Variants in SGCZ observed in about 807,000 individuals in gnomAD.
SGCZ encodes the protein zeta-sarcoglycan.
Under a neutral mutation model 41.3 loss-of-function variants are expected in SGCZ, and 40 were observed. The observed-to-expected ratio is 0.97, with a 90% CI of 0.75 to 1.26. The LOEUF (loss-of-function observed/expected upper bound fraction) is 1.26. Ranked by LOEUF, SGCZ falls within the 50% of genes most tolerant of loss-of-function variation. The pLI is 0.00. For synonymous variants in SGCZ, 206 were observed against 137.5 expected (o/e 1.50, Z -3.49); for missense variants, 552 against 369.8 (o/e 1.49, Z -4.04).
chr8:14,669,766 A>G (rs561845136), intron 1 of SGCZ, among the ~76,000 whole-genome samples: 1 of 152,112 alleles, frequency 6.6e-6, no homozygotes, highest in African/African-American at 2.4e-5. Context: ...GACTTTTAGT[A>G]TGTTTCCATA....
At chr8:14,659,326 C>A (rs900107717) in intron 1 of SGCZ, among the ~76,000 whole-genome samples, 2 of 152,076 alleles carry the variant, frequency 1.3e-5, no homozygotes, top group African/African-American at 4.8e-5. Flanking sequence ...TGAATATACG[C>A]ATTGCAACAT....
chr8:15,151,682 T>G (rs1337369121), intron 1 of SGCZ, among the ~76,000 whole-genome samples: 2 of 152,230 alleles, frequency 1.3e-5, no homozygotes, highest in African/African-American at 2.4e-5. Flanking sequence ...AAGAGCCAAC[T>G]ATATAATGAC....
chr8:14,126,232 T>C (rs1296125606), intron 5 of SGCZ, among the ~76,000 whole-genome samples: 2 of 152,154 alleles, frequency 1.3e-5, no homozygotes, highest in African/African-American at 4.8e-5. Flanking sequence ...ATCTACCCAT[T>C]TGACAAATGT....
chr8:14,610,105 G>C (rs981516118), intron 1 of SGCZ, among the ~76,000 whole-genome samples: 1 of 152,062 alleles, frequency 6.6e-6, no homozygotes, highest in African/African-American at 2.4e-5. Context: ...AAATCTTTGG[G>C]GAGGCAAATT....
chr8:14,962,674 T>C (rs1464324046), intron 1 of SGCZ, among the ~76,000 whole-genome samples: 2 of 152,190 alleles, frequency 1.3e-5, no homozygotes, highest in African/African-American at 4.8e-5. Flanking sequence ...ATCATTTAAG[T>C]AAATGCTAAA....
intron 1 of SGCZ, among the ~76,000 whole-genome samples, chr8:14,834,900 G>T (rs566016057): frequency 2.0e-4 from 31 of 152,208 alleles, no homozygotes; most frequent in African/African-American, 7.2e-4. Flanking sequence ...AAAAGAAACT[G>T]CTCCCTCTCC....
chr8:14,448,633 A>G (rs933494545), intron 2 of SGCZ, among the ~76,000 whole-genome samples: 8 of 152,244 alleles, frequency 5.3e-5, no homozygotes, highest in African/African-American at 1.9e-4. Flanking sequence ...AAATACAATC[A>G]TAACCAAAGA....
At chr8:14,612,219 A>C (rs1288773248) in intron 1 of SGCZ, among the ~76,000 whole-genome samples, 1 of 152,070 alleles carries the variant, frequency 6.6e-6, no homozygotes, top group Non-Finnish European at 1.5e-5. Context: ...CCATGTGTTG[A>C]GGGAGGGAAC....
At chr8:14,522,611 C>T (rs1802823788) in intron 2 of SGCZ, among the ~76,000 whole-genome samples, 1 of 151,738 alleles carries the variant, frequency 6.6e-6, no homozygotes, top group Non-Finnish European at 1.5e-5. Context: ...TTCGCTCTCT[C>T]ATTTTTTTGG....
At chr8:14,628,691 G>A (rs190748439) in intron 1 of SGCZ, among the ~76,000 whole-genome samples, 138 of 152,112 alleles carry the variant, frequency 9.1e-4, no homozygotes, top group African/African-American at 2.8e-3. Context: ...ATATTTACTC[G>A]TCTAATATCA....
chr8:14,488,352 T>C (rs1470375912), intron 2 of SGCZ, among the ~76,000 whole-genome samples: 2 of 152,218 alleles, frequency 1.3e-5, no homozygotes, highest in Non-Finnish European at 2.9e-5. Context: ...AAGTAAGCTG[T>C]TTTCATCCAT....
intron 2 of SGCZ, among the ~76,000 whole-genome samples, chr8:14,333,731 CCTTTAAATACACCAGGGAAATA>C (rs1802415028): frequency 6.6e-6 from 1 of 151,610 alleles, no homozygotes; most frequent in Non-Finnish European, 1.5e-5. Flanking sequence ...AAATAATACC[CCTTTAAATACACCAGGGAAATA>C]CTTTAAATAC....
At chr8:14,169,922 AAGAC>A (rs1205462682) in intron 4 of SGCZ, among the ~76,000 whole-genome samples, 1 of 152,158 alleles carries the variant, frequency 6.6e-6, no homozygotes, top group Non-Finnish European at 1.5e-5. Context: ...CCAGCATAGA[AAGAC>A]ACTCTTGGAG....
At chr8:14,258,336 T>G (rs1159353296) in intron 3 of SGCZ, among the ~76,000 whole-genome samples, 2 of 152,136 alleles carry the variant, frequency 1.3e-5, no homozygotes, top group Non-Finnish European at 2.9e-5. Flanking sequence ...AATGTATTAG[T>G]CCTCTGCACT....
chr8:14,309,666 G>A, intron 3 of SGCZ: 2 of 1,610,480 alleles, frequency 1.2e-6, no homozygotes, highest in Non-Finnish European at 1.7e-6. Flanking sequence ...AAATAGGTTT[G>A]TTGTTTAAGA....
intron 1 of SGCZ, among the ~76,000 whole-genome samples, chr8:14,583,103 G>T (rs905873160): frequency 6.7e-6 from 1 of 149,936 alleles, no homozygotes; most frequent in Non-Finnish European, 1.5e-5. Flanking sequence ...CACAATGGTT[G>T]AACTAGTTTA....
intron 1 of SGCZ, among the ~76,000 whole-genome samples, chr8:14,719,643 A>G (rs1348760947): frequency 6.6e-6 from 1 of 151,202 alleles, no homozygotes; most frequent in Non-Finnish European, 1.5e-5. Context: ...TTGACTGCAT[A>G]AATGTCTTCT....
intron 4 of SGCZ, among the ~76,000 whole-genome samples, chr8:14,189,592 C>A (rs1381935407): frequency 1.3e-5 from 2 of 152,198 alleles, no homozygotes; most frequent in African/African-American, 4.8e-5. Context: ...TTTAGCTTTT[C>A]ATAATGAGCC....
chr8:14,132,850 C>T (rs531199123), intron 5 of SGCZ, among the ~76,000 whole-genome samples: 30 of 152,104 alleles, frequency 2.0e-4, no homozygotes, highest in Non-Finnish European at 4.3e-4. Context: ...TTGTTGTTGA[C>T]ACTTTTTTAA....
Sources: allele counts gnomAD v4.1 joint callset (sites outside exome capture counted in the v4.1 genomes callset), GRCh38; gene constraint gnomAD v4.1.1; transcripts MANE v1.5; gene names NCBI Gene and HGNC (gene_info 2026-07-23, HGNC 2026-07-21).